Variants in CFAP54 observed in about 807,000 individuals in gnomAD.
CFAP54 encodes cilia- and flagella-associated protein 54.
In CFAP54, 290 loss-of-function variants were observed where a neutral mutation model predicts 370.4. That is an observed-to-expected ratio of 0.78 (90% CI 0.71 to 0.86). The LOEUF is 0.86. CFAP54 is among the 40% of genes least tolerant of loss of function. CFAP54 has a pLI of 0.00. For synonymous variants in CFAP54, 1,206 were observed against 1,236.5 expected (o/e 0.98, Z 0.52); for missense variants, 3,399 against 3,528.7 (o/e 0.96, Z 0.93).
intron 42 of CFAP54, 87 bp from the exon 43 acceptor site, chr12:96,688,829 G>T: frequency 1.5e-6 from 1 of 659,900 alleles, no homozygotes. Context: ...TACTTTTTGT[G>T]TTCTAGATAT....
At chr12:96,649,477 G>A (rs759311496) in intron 34 of CFAP54, among the ~76,000 whole-genome samples, 11 of 152,260 alleles carry the variant, frequency 7.2e-5, no homozygotes, top group Non-Finnish European at 1.5e-4. Flanking sequence ...AGGGGAATGC[G>A]TGGCCGAGGT....
chr12:96,860,173 A>T (rs1283493402), intron 66 of CFAP54, among the ~76,000 whole-genome samples: 1 of 139,430 alleles, frequency 7.2e-6, no homozygotes, highest in Non-Finnish European at 1.5e-5. Context: ...CAGGATTCAG[A>T]CCCACAAGGC....
At chr12:96,611,738 T>C (rs557627474) in intron 26 of CFAP54, among the ~76,000 whole-genome samples, 1 of 152,182 alleles carries the variant, frequency 6.6e-6, no homozygotes, top group African/African-American at 2.4e-5. Flanking sequence ...TACTGATGAA[T>C]GCACAACCTT....
At chr12:96,624,277 C>T (rs1956529147) in intron 28 of CFAP54, among the ~76,000 whole-genome samples, 1 of 152,122 alleles carries the variant, frequency 6.6e-6, no homozygotes, top group Non-Finnish European at 1.5e-5. Flanking sequence ...GCACACCACC[C>T]CCTAGTTGTG....
At chr12:96,724,709 G>T (rs751724895) in intron 50 of CFAP54, among the ~76,000 whole-genome samples, 1 of 152,154 alleles carries the variant, frequency 6.6e-6, no homozygotes, top group Admixed American at 6.5e-5. Flanking sequence ...TTTGGCTTTT[G>T]TTGCCATTGC....
intron 55 of CFAP54, among the ~76,000 whole-genome samples, chr12:96,751,251 C>G (rs1958179720): frequency 1.3e-5 from 2 of 152,032 alleles, no homozygotes; most frequent in African/African-American, 4.8e-5. Flanking sequence ...CACTTATATG[C>G]AAGAATGGTG....
rs142170532 is a variant in CFAP54 at position 96,861,954 on chromosome 12, T to G, written c.*14+1002T>G. On this transcript the variant is annotated intron_variant, in intron 67 of 67. Transcript: ENST00000524981. Reference sequence around the variant, plus strand: ...AAAAATAACAACACAAATGTGTTTTTCTAAAGCTAAATTGGTTTAATGTAT... The same window carrying G: ...AAAAATAACAACACAAATGTGTTTTGCTAAAGCTAAATTGGTTTAATGTAT... Among the ~76,000 whole-genome samples the G allele has an allele frequency of 1.8e-4, 28 of 152,340 alleles. No individual in the cohort carries two copies. The East Asian group carries it at 5.0e-3, about 27-fold the overall frequency.
At chr12:96,653,291 C>T (rs1227135814) in intron 36 of CFAP54, among the ~76,000 whole-genome samples, 1 of 152,188 alleles carries the variant, frequency 6.6e-6, no homozygotes, top group Non-Finnish European at 1.5e-5. Context: ...TGGCCTGTCA[C>T]AACTGTGGTA....
At chr12:96,677,948 T>C (rs1339339723) in intron 39 of CFAP54, among the ~76,000 whole-genome samples, 1 of 152,190 alleles carries the variant, frequency 6.6e-6, no homozygotes, top group East Asian at 1.9e-4. Flanking sequence ...TTAACTTTCT[T>C]TAGGCTCATT....
chr12:96,654,727 A>G (rs867268867), intron 36 of CFAP54, among the ~76,000 whole-genome samples: 2 of 151,876 alleles, frequency 1.3e-5, no homozygotes, highest in African/African-American at 4.8e-5. Context: ...AGTCTTTGCT[A>G]TCTACCTTTC....
intron 63 of CFAP54, among the ~76,000 whole-genome samples, chr12:96,795,356 G>A (rs1483349331): frequency 1.3e-5 from 2 of 152,186 alleles, no homozygotes; most frequent in African/African-American, 2.4e-5. Flanking sequence ...AAGAGATTAT[G>A]TCCTTTGTCT....
At position 96,493,139 on chromosome 12, in the gene CFAP54, A is replaced by G. The variant is rs145975899; in HGVS notation, c.317+3213A>G. Among the ~76,000 whole-genome samples, 776 of 152,352 alleles carry G rather than the reference A, an allele frequency of 5.1e-3. 11 individuals carry two copies. The highest frequency in any genetic ancestry group is 0.018 in the African/African-American group (732 of 41,582). The stretch of plus-strand genomic sequence containing the variant: ...TAAGAATCACAAGCATTGGATTGAC[A>G]TGTGCCTTAACAGTCCAACCTCTCA... On this transcript the variant is annotated intron_variant, in intron 1 of 67. Coordinates refer to ENST00000524981, the MANE Select transcript of CFAP54 (RefSeq NM_001306084.2).
At chr12:96,583,515 C>T (rs375180018) in intron 22 of CFAP54, among the ~76,000 whole-genome samples, 18 of 152,116 alleles carry the variant, frequency 1.2e-4, no homozygotes, top group South Asian at 1.0e-3. Context: ...GGAGGAATAT[C>T]GTTTATTTAA....
chr12:96,718,911 G>A (rs1230518546), intron 49 of CFAP54, among the ~76,000 whole-genome samples: 1 of 152,116 alleles, frequency 6.6e-6, no homozygotes, highest in Non-Finnish European at 1.5e-5. Context: ...GATGGCGCAT[G>A]CCTGTAATTC....
At chr12:96,699,793 T>G (rs1957472583) in intron 45 of CFAP54, among the ~76,000 whole-genome samples, 178 bp from the exon 46 acceptor site, 1 of 152,214 alleles carries the variant, frequency 6.6e-6, no homozygotes, top group African/African-American at 2.4e-5. Flanking sequence ...TGTATGGGCA[T>G]ACACATAGAC....
chr12:96,808,439 C>T lies in CFAP54; in HGVS notation c.8851-3297C>T, dbSNP rs75540319. ...AGGTTCTAATTTTTCAGAGTACTCA[C>T]GAGACTTCACAAAGAAAGGATAAGG... On this transcript the variant is annotated intron_variant, in intron 63 of 67. Coordinates refer to ENST00000524981, the MANE Select transcript of CFAP54 (RefSeq NM_001306084.2). Among the ~76,000 whole-genome samples, 1,446 of 152,164 alleles carry T rather than the reference C, an allele frequency of 9.5e-3. 56 individuals are homozygous for T. The East Asian group carries it at 0.1, about 11-fold the overall frequency.
In CFAP54 at chr12:96,561,196, G is replaced by A. The variant is rs563664455; in HGVS notation, c.2411-3272G>A. On this transcript the variant is annotated intron_variant, in intron 17 of 67. Transcript: ENST00000524981. ...TTCCCACATGTTGTGGGAGCAACCC[G>A]GTTGGAGGTAATTGCATAATGGGGG... Among the ~76,000 whole-genome samples, 89 of 152,228 alleles carry A rather than the reference G, an allele frequency of 5.8e-4. 1 individual carries two copies. Among genetic ancestry groups the A allele is most frequent in the Middle Eastern group, 6.8e-3 (2 of 294 alleles).
chr12:96,756,658 T>C (rs1958261827), intron 57 of CFAP54, 95 bp downstream of exon 57: 1 of 796,372 alleles, frequency 1.3e-6, no homozygotes, highest in Non-Finnish European at 2.1e-6. Context: ...TTGCTTGGGA[T>C]GCCTTCTGAA....
chr12:96,857,449 T>C (rs1959738972), intron 66 of CFAP54, among the ~76,000 whole-genome samples: 1 of 152,244 alleles, frequency 6.6e-6, no homozygotes, highest in South Asian at 2.1e-4. Flanking sequence ...TTCATCCATG[T>C]TCCACAAAAG....
Sources: allele counts gnomAD v4.1 joint callset (sites outside exome capture counted in the v4.1 genomes callset), GRCh38; gene constraint gnomAD v4.1.1; transcripts MANE v1.5; gene names NCBI Gene and HGNC (gene_info 2026-07-23, HGNC 2026-07-21).